RFX1: variants seen among roughly 807,000 people sequenced by gnomAD.
RFX1 encodes the protein regulatory factor X1, also known as MHC class II regulatory factor RFX1.
Under a neutral mutation model 119.6 loss-of-function variants are expected in RFX1, and 42 were observed. The ratio of observed to expected loss-of-function variants is 0.35; its 90% CI spans 0.27 to 0.45. The LOEUF (loss-of-function observed/expected upper bound fraction) is 0.45. Ranked by LOEUF, RFX1 falls within the 20% of genes least tolerant of loss-of-function variation. The pLI is 1.00. For missense variants in RFX1, 1,118 were observed against 1,368.1 expected, an observed-to-expected ratio of 0.82 and a Z score of 2.88; for synonymous variants, 628 against 618.5, an observed-to-expected ratio of 1.02 and a Z score of -0.23.
At position 13,970,220 on chromosome 19, in the gene RFX1, C is replaced by T. The variant is rs375828097; in HGVS notation, c.1315-45G>A. On this transcript the variant is annotated intron_variant, in intron 9 of 20. Transcript: ENST00000254325. ...GGAGAGCACCAGTCAGAGGCGCTTC[C>T]GTCATCTCTGAGTGCTGGGGCTGAG... The T allele has an allele frequency of 5.4e-5, 82 of 1,515,710 alleles. No homozygotes were observed. In the African/African-American group the frequency reaches 8.6e-4, roughly 16 times the overall value. The allele number at this position is 1,515,710 out of a possible 1,614,324, so 93.9% of individuals were successfully genotyped here. A position where few individuals can be genotyped will look rare whatever the true frequency, so the allele number is the denominator to read the frequency against.
intron 2 of RFX1, among the ~76,000 whole-genome samples, chr19:13,991,289 G>C (rs1239724523): frequency 6.6e-6 from 1 of 152,162 alleles, no homozygotes; most frequent in East Asian, 1.9e-4. Context: ...AGGTGAAGGT[G>C]GGGCAGAGGG....
chr19:13,993,852 T>C lies in RFX1; in HGVS notation c.-9A>G. ...TACGCCTGTGTTGCCATGCCAACGG[T>C]GGGGAAAATGATAATAAATAAGGCT... On this transcript the variant is annotated 5_prime_UTR_variant, in exon 2 of 21. Transcript: ENST00000254325. The C allele has an allele frequency of 6.8e-7, 1 of 1,470,704 alleles. No individual in the cohort carries two copies. The highest frequency in any genetic ancestry group is 8.9e-7 in the Non-Finnish European group (1 of 1,118,024). The allele number at this position is 1,470,704 out of a possible 1,614,324, so 91.1% of individuals were successfully genotyped here.
intron 5 of RFX1, among the ~76,000 whole-genome samples, chr19:13,981,073 C>T (rs549526333): frequency 6.6e-6 from 1 of 152,326 alleles, no homozygotes; most frequent in Non-Finnish European, 1.5e-5. Context: ...AATGTACTCA[C>T]TGGAATCTCA....
chr19:14,001,174 G>T (rs184640220), intron 1 of RFX1, among the ~76,000 whole-genome samples: 1 of 152,092 alleles, frequency 6.6e-6, no homozygotes, highest in Non-Finnish European at 1.5e-5. Flanking sequence ...CCACCTTCAC[G>T]GCTGGCTTCT....
Position 13,969,617 on chromosome 19 carries a change from T to C in RFX1, c.1496+377A>G. On this transcript the variant is annotated intron_variant, in intron 10 of 20. Coordinates refer to ENST00000254325, the MANE Select transcript of RFX1 (RefSeq NM_002918.5). This position sits in a 1 kb window ranked among gnomAD's most constrained non-coding sequence, Gnocchi z 4.5. ...GAGGTTGCAGTGAGCCGAGATTGAG[T>C]CACTGCACTCCAGCCTGGGCCACAG... The C allele has an allele frequency of 5.5e-6, 1 of 181,656 alleles. No individual in the cohort carries two copies. The highest frequency in any genetic ancestry group is 1.1e-5 in the Non-Finnish European group (1 of 87,814). The allele number at this position is 181,656 out of a possible 1,614,324, so 11.3% of individuals were successfully genotyped here.
At chr19:13,992,591 C>T (rs1325489544) in intron 2 of RFX1, among the ~76,000 whole-genome samples, 1 of 152,156 alleles carries the variant, frequency 6.6e-6, no homozygotes, top group East Asian at 1.9e-4. Flanking sequence ...ATGTCCAGGC[C>T]CTCACCCCCA....
rs112500067 is a variant in RFX1, at chr19:13,999,966, G to A, written c.-52-6071C>T. Among the ~76,000 whole-genome samples the A allele has an allele frequency of 6.8e-3, 1,030 of 152,092 alleles. 11 individuals carry two copies. Among genetic ancestry groups the A allele is most frequent in the African/African-American group, 0.023 (953 of 41,462 alleles). On this transcript the variant is annotated intron_variant, in intron 1 of 20. Coordinates refer to ENST00000254325, the MANE Select transcript of RFX1 (RefSeq NM_002918.5). ...GCTGGGATTACAGGCATGAGCCACCGCGACTGGCCTGACCCCTGTTTTGGA... is the reference window on the plus strand; with the variant it reads ...GCTGGGATTACAGGCATGAGCCACCACGACTGGCCTGACCCCTGTTTTGGA...
At chr19:13,977,272 C>T (rs996716775) in intron 8 of RFX1, among the ~76,000 whole-genome samples, 13 of 144,338 alleles carry the variant, frequency 9.0e-5, no homozygotes, top group African/African-American at 2.3e-4. Context: ...TCCAGCCTGG[C>T]GATAGAGCAA....
intron 7 of RFX1, 81 bp from the exon 8 acceptor site, chr19:13,978,167 C>G (rs1974310036): frequency 1.7e-5 from 17 of 1,026,704 alleles, no homozygotes; most frequent in Admixed American, 4.2e-5. Context: ...GGTGCCCACC[C>G]AGGCTATCCC....
In RFX1 at chr19:13,990,811, T is replaced by C. The variant is rs1472591244; in HGVS notation, c.319+2714A>G. Among the ~76,000 whole-genome samples, 2 of 151,078 alleles carry C rather than the reference T, an allele frequency of 1.3e-5. No individual in the cohort carries two copies. The highest frequency in any genetic ancestry group is 3.9e-4 in the East Asian group (2 of 5,132). ...CAGCCTGGGTGTCAGAGCGAGACTT[T>C]GTCTCAAAGAAAAAAAAAAAAATTA... On this transcript the variant is annotated intron_variant, in intron 2 of 20. Transcript: ENST00000254325. This position sits in a 1 kb window ranked among gnomAD's most constrained non-coding sequence, Gnocchi z 4.1.
At chr19:13,963,777 G>A in intron 17 of RFX1, 31 bp from the exon 18 acceptor site, 2 of 1,513,502 alleles carry the variant, frequency 1.3e-6, no homozygotes, top group Non-Finnish European at 1.8e-6. Flanking sequence ...GGGCGCCCGG[G>A]GCTCAGCCGC....
chr19:13,968,408 G>A lies in RFX1; in HGVS notation c.1732+157C>T, dbSNP rs1348722828. Reference sequence around the variant, plus strand: ...AGGGACAGAACTGTCACTGTGGACGGAGACTGTGATGTCTCCCCCACCCCC... The same window carrying A: ...AGGGACAGAACTGTCACTGTGGACGAAGACTGTGATGTCTCCCCCACCCCC... On this transcript the variant is annotated intron_variant, in intron 12 of 20. Transcript: ENST00000254325. The surrounding 1 kb of genome is among the most constrained non-coding windows in gnomAD (Gnocchi z 5.5). Among the ~76,000 whole-genome samples the A allele has an allele frequency of 2.6e-5, 4 of 152,116 alleles. No homozygotes were observed. Among genetic ancestry groups the A allele is most frequent in the African/African-American group, 9.7e-5 (4 of 41,440 alleles).
chr19:13,985,909 AGGCCTCCGCGTAGCCGCAT>A lies in RFX1; in HGVS notation c.320-2333_320-2315del, dbSNP rs1019660023. Among the ~76,000 whole-genome samples the A allele has an allele frequency of 2.5e-4, 38 of 151,930 alleles. No homozygotes were observed. Among genetic ancestry groups the A allele is most frequent in the Non-Finnish European group, 4.4e-5 (3 of 67,944 alleles). ...TGCCAGATGTGGGAGGTGTTGGGGG[AGGCCTCCGCGTAGCCGCAT>A]GTGGGCTGTGGGGCATTTGGTCAAT... is the stretch of plus-strand genomic sequence containing the variant. On this transcript the variant is annotated intron_variant, in intron 2 of 20. Coordinates refer to ENST00000254325, the MANE Select transcript of RFX1 (RefSeq NM_002918.5). The surrounding 1 kb of genome is among the most constrained non-coding windows in gnomAD (Gnocchi z 4.3).
intron 2 of RFX1, among the ~76,000 whole-genome samples, chr19:13,991,818 C>T (rs1280608860): frequency 2.0e-5 from 3 of 152,126 alleles, no homozygotes; most frequent in Admixed American, 6.6e-5. Context: ...CGCGCCACCA[C>T]GCCCAGCTAA....
rs966984459 is a variant in RFX1 at position 13,968,343 on chromosome 19, G to A, written c.1732+222C>T. 1.3e-5 allele frequency among the ~76,000 whole-genome samples: 2 copies of A among 152,136 alleles called. No homozygotes were observed. The highest frequency in any genetic ancestry group is 4.8e-5 in the African/African-American group (2 of 41,442). On this transcript the variant is annotated intron_variant, in intron 12 of 20. Coordinates refer to ENST00000254325, the MANE Select transcript of RFX1 (RefSeq NM_002918.5). The surrounding 1 kb of genome is among the most constrained non-coding windows in gnomAD (Gnocchi z 5.5). ...GCTCAGAACCCCCGAGAAATGCTTT[G>A]CATTGAAAGAAATGAGAATCTACCT...
At position 13,966,559 on chromosome 19, in the gene RFX1, C is replaced by A. The variant is rs373528608; in HGVS notation, c.1852-29G>T. On this transcript the variant is annotated intron_variant, in intron 13 of 20. Coordinates refer to ENST00000254325, the MANE Select transcript of RFX1 (RefSeq NM_002918.5). The surrounding 1 kb of genome is among the most constrained non-coding windows in gnomAD (Gnocchi z 6.3). ...TGGCAGAGGCGGATGCTCAGGGAGG[C>A]TGGGGGGCAGCATGGCCCTCCCATG... 3 of 1,539,162 alleles carry A rather than the reference C, an allele frequency of 1.9e-6. No individual in the cohort carries two copies. Among genetic ancestry groups the A allele is most frequent in the East Asian group, 4.6e-5 (2 of 43,302 alleles).
chr19:13,963,151 C>T lies in RFX1; in HGVS notation c.2695G>A (p.Gly899Ser), dbSNP rs766888168. 3.1e-6 allele frequency: 5 copies of T among 1,612,292 alleles called. No individual in the cohort carries two copies. In the African/African-American group the frequency reaches 5.3e-5, roughly 17 times the overall value. Residue 899 changes from glycine (G) to serine (S), a missense_variant, in exon 19 of 21, where the codon GGC becomes AGC. Physicochemically the swap from Gly to Ser is moderately conservative, Grantham distance 56. This residue lies in a region of RFX1 where 138 missense variants were observed against 117.8 expected (regional missense o/e 1.17). Coordinates refer to ENST00000254325, the MANE Select transcript of RFX1 (RefSeq NM_002918.5). ...CCCATGACGGCGATGGGGGTCTCGC[C>T]CTTGGCCTGGGCTACGCGGTGCTCG... ...LIEHRVAQAKGETPIAVMGEF... is the reference protein window; with the variant it reads ...LIEHRVAQAKSETPIAVMGEF...
rs73924073 is a variant in RFX1, at chr19:13,981,641, G to C, written c.621+480C>G. On this transcript the variant is annotated intron_variant, in intron 5 of 20. Transcript: ENST00000254325. The stretch of plus-strand genomic sequence containing the variant: ...CTCAGAGGCCTGCCTAGAGTCCCAC[G>C]AGAGGAAGTGGCTGGGCCAGCCATC... 2.5e-3 allele frequency among the ~76,000 whole-genome samples: 376 copies of C among 152,270 alleles called. 1 individual carries two copies. The highest frequency in any genetic ancestry group is 8.6e-3 in the African/African-American group (357 of 41,564).
chr19:13,991,615 C>T (rs1337149681), intron 2 of RFX1, among the ~76,000 whole-genome samples: 1 of 152,206 alleles, frequency 6.6e-6, no homozygotes, highest in African/African-American at 2.4e-5. Context: ...CTGCCCAGGG[C>T]TCCAGCCCCA....
Sources: allele counts gnomAD v4.1 joint callset (sites outside exome capture counted in the v4.1 genomes callset), GRCh38; gene constraint gnomAD v4.1.1; regional missense constraint gnomAD v4.1.1; non-coding constraint Gnocchi (gnomAD v3.1); transcripts MANE v1.5; gene names NCBI Gene and HGNC (gene_info 2026-07-23, HGNC 2026-07-21).